BMPR2: variants seen among roughly 807,000 people sequenced by gnomAD.
BMPR2 encodes bone morphogenetic protein receptor type 2.
Under a neutral mutation model 100.8 loss-of-function variants are expected in BMPR2, and 29 were observed. The observed-to-expected ratio is 0.29, with a 90% CI of 0.21 to 0.39. BMPR2 has a LOEUF of 0.39. Ranked by LOEUF, BMPR2 falls within the 10% of genes least tolerant of loss-of-function variation. BMPR2 has a pLI of 1.00. For missense variants in BMPR2, 1,011 were observed against 1,274.5 expected (o/e 0.79, Z 3.15); for synonymous variants, 382 against 442.3 (o/e 0.86, Z 1.71).
chr2:202,494,779 T>C (rs1692986768), intron 3 of BMPR2, among the ~76,000 whole-genome samples: 2 of 152,250 alleles, frequency 1.3e-5, no homozygotes, highest in South Asian at 2.1e-4. Flanking sequence ...AAGGCCTCTT[T>C]TGCACGTACA....
intron 1 of BMPR2, among the ~76,000 whole-genome samples, chr2:202,414,975 G>A (rs1277346613): frequency 3.9e-5 from 6 of 151,902 alleles, no homozygotes; most frequent in Admixed American, 1.3e-4. Flanking sequence ...CAGGTGATCC[G>A]CTTCCCTTGG....
intron 1 of BMPR2, among the ~76,000 whole-genome samples, chr2:202,391,999 A>G (rs2105903719): frequency 6.6e-6 from 1 of 151,360 alleles, no homozygotes; most frequent in African/African-American, 2.4e-5. Context: ...TGACCTCGTG[A>G]TCTGCCCACC....
intron 1 of BMPR2, among the ~76,000 whole-genome samples, chr2:202,436,518 G>T: frequency 6.6e-6 from 1 of 150,686 alleles, no homozygotes; most frequent in East Asian, 1.9e-4. Flanking sequence ...AGGAAACTTA[G>T]TTTTATCTTG....
rs1688712889 is a variant in BMPR2 at position 202,563,773 on chromosome 2, G to T, written c.*3827G>T. On this transcript the variant is annotated 3_prime_UTR_variant, in exon 13 of 13. Coordinates refer to ENST00000374580, the MANE Select transcript of BMPR2 (RefSeq NM_001204.7). ...TAGCAGATTTGGGGGAATTAACAAA[G>T]AATTTCAGTCTCATCAATCCTTTGA... 6.6e-6 allele frequency: 1 copy of T among 151,944 alleles called. No homozygotes were observed. The highest frequency in any genetic ancestry group is 6.6e-5 in the Admixed American group (1 of 15,240). 9.4% of individuals were successfully genotyped at this position (151,944 alleles called of 1,614,324 possible).
intron 9 of BMPR2, among the ~76,000 whole-genome samples, chr2:202,535,060 C>CGGGTCGGCTGGCCGGGCGGGGGGCTG (rs1688113281): frequency 7.6e-6 from 1 of 132,012 alleles, no homozygotes. Context: ...CCCTCCCGGA[C>CGGGTCGGCTGGCCGGGCGGGGGGCTG]AGGTCGGCTG....
intron 3 of BMPR2, among the ~76,000 whole-genome samples, chr2:202,494,272 A>G (rs906409935): frequency 9.9e-5 from 15 of 152,180 alleles, no homozygotes; most frequent in Admixed American, 6.5e-4. Flanking sequence ...AACTACAAAA[A>G]CTAATCCCCA....
chr2:202,518,016 TG>T (rs1171331545), intron 5 of BMPR2, among the ~76,000 whole-genome samples: 1 of 137,372 alleles, frequency 7.3e-6, no homozygotes, highest in Admixed American at 7.7e-5. Flanking sequence ...TTAGTAGAGA[TG>T]GGGTTTTACC....
rs187259494 is a variant in BMPR2 at position 202,460,918 on chromosome 2, A to C, written c.77-3891A>C. Among the ~76,000 whole-genome samples, 478 of 151,254 alleles carry C rather than the reference A, an allele frequency of 3.2e-3. 2 individuals carry two copies. The highest frequency in any genetic ancestry group is 0.011 in the African/African-American group (463 of 41,190). Reference sequence around the variant, plus strand: ...CCAGACTCTAGGGTGCAGTGGTGCGATAGTTCACCATAGCCCTGAACTCCT... The same window carrying C: ...CCAGACTCTAGGGTGCAGTGGTGCGCTAGTTCACCATAGCCCTGAACTCCT... On this transcript the variant is annotated intron_variant, in intron 1 of 12. Transcript: ENST00000374580.
Position 202,503,950 on chromosome 2 carries a change from T to G in BMPR2, c.419-9769T>G, listed in dbSNP as rs1012417714. On this transcript the variant is annotated intron_variant, in intron 3 of 12. Coordinates refer to ENST00000374580, the MANE Select transcript of BMPR2 (RefSeq NM_001204.7). This position sits in a 1 kb window ranked among gnomAD's most constrained non-coding sequence, Gnocchi z 4.0. ...AATACACCAATCAGCACCCTGTGTC[T>G]AGCTCAGGGTTTGTGAATGCACCAG... Among the ~76,000 whole-genome samples, 4 of 152,162 alleles carry G rather than the reference T, an allele frequency of 2.6e-5. No homozygotes were observed. The highest frequency in any genetic ancestry group is 1.5e-5 in the Non-Finnish European group (1 of 68,022).
At chr2:202,530,693 A>G (rs1023106946) in intron 7 of BMPR2, 101 bp from the exon 8 acceptor site, 2 of 1,074,836 alleles carry the variant, frequency 1.9e-6, no homozygotes, top group African/African-American at 3.2e-5. Context: ...TTAGAAAATT[A>G]ATGGGCAGAA....
intron 7 of BMPR2, among the ~76,000 whole-genome samples, chr2:202,527,764 G>A (rs889280911): frequency 6.7e-6 from 1 of 149,778 alleles, no homozygotes; most frequent in Non-Finnish European, 1.5e-5. Context: ...TCGGCAGTCC[G>A]GCCTGGGCGA....
Position 202,505,835 on chromosome 2 carries a change from A to G in BMPR2, c.419-7884A>G, listed in dbSNP as rs544243028. ...ATATTTTGGGAGTGTAATATTATCAATAATAGACTACTTATTTCCTAACAA... is the reference window on the plus strand; with the variant it reads ...ATATTTTGGGAGTGTAATATTATCAGTAATAGACTACTTATTTCCTAACAA... On this transcript the variant is annotated intron_variant, in intron 3 of 12. Coordinates refer to ENST00000374580, the MANE Select transcript of BMPR2 (RefSeq NM_001204.7). Among the ~76,000 whole-genome samples the G allele has an allele frequency of 9.0e-4, 137 of 152,328 alleles. 1 individual carries two copies. Among genetic ancestry groups the G allele is most frequent in the African/African-American group, 3.1e-3 (129 of 41,574 alleles).
At chr2:202,474,460 C>CAA (rs377734779) in intron 3 of BMPR2, among the ~76,000 whole-genome samples, 24 of 151,444 alleles carry the variant, frequency 1.6e-4, no homozygotes, top group African/African-American at 5.6e-4. Flanking sequence ...GATTCCGTCT[C>CAA]AAAAAAAACC....
chr2:202,540,228 A>G (rs1159710498), intron 9 of BMPR2, among the ~76,000 whole-genome samples: 1 of 152,160 alleles, frequency 6.6e-6, no homozygotes, highest in Non-Finnish European at 1.5e-5. Context: ...CTACTAAACC[A>G]GCATTTGAAA....
intron 1 of BMPR2, among the ~76,000 whole-genome samples, chr2:202,438,833 A>G (rs1398999691): frequency 4.0e-5 from 6 of 150,454 alleles, no homozygotes. Context: ...GTCTGTCTTT[A>G]TTTCAGTACC....
chr2:202,382,065 T>TG (rs1330501506), intron 1 of BMPR2, among the ~76,000 whole-genome samples: 1 of 148,708 alleles, frequency 6.7e-6, no homozygotes, highest in Admixed American at 6.7e-5. Context: ...TTTGTTTTTT[T>TG]TTTTTTTTTT....
At chr2:202,535,281 T>G (rs1688124942) in intron 9 of BMPR2, among the ~76,000 whole-genome samples, 1 of 151,320 alleles carries the variant, frequency 6.6e-6, no homozygotes, top group Non-Finnish European at 1.5e-5. Flanking sequence ...GCTCCTCACT[T>G]CTCAGACGGG....
At chr2:202,552,956 A>T in intron 11 of BMPR2, 68 bp downstream of exon 11, 2 of 1,581,706 alleles carry the variant, frequency 1.3e-6, no homozygotes, top group Non-Finnish European at 1.7e-6. Flanking sequence ...AAGAATAGAA[A>T]ATAAATACTT....
chr2:202,466,635 A>G (rs948871949), intron 2 of BMPR2, among the ~76,000 whole-genome samples: 9 of 150,712 alleles, frequency 6.0e-5, no homozygotes, highest in Non-Finnish European at 1.2e-4. Flanking sequence ...TTTTTGAGAC[A>G]GAATGTCACT....
Sources: gnomAD v4.1 joint callset for allele counts (sites outside exome capture counted in the v4.1 genomes callset) on GRCh38, gnomAD v4.1.1 for gene constraint, Gnocchi (gnomAD v3.1) non-coding constraint, MANE v1.5 for transcripts, NCBI Gene and HGNC (gene_info 2026-07-23, HGNC 2026-07-21) for gene names.